MAP4: variants seen among roughly 807,000 people sequenced by gnomAD.
The protein encoded by MAP4 is microtubule associated protein 4.
MAP4 carries 76 observed loss-of-function variants against 170.2 expected under a neutral mutation model. The ratio of observed to expected loss-of-function variants is 0.45; its 90% CI spans 0.37 to 0.54. MAP4 has a LOEUF of 0.54. Ranked by LOEUF, MAP4 falls within the 20% of genes least tolerant of loss-of-function variation. The pLI is 0.00. For synonymous variants in MAP4, 909 were observed against 994.5 expected, an observed-to-expected ratio of 0.91 and a Z score of 1.62; for missense variants, 2,506 against 2,748.0, an observed-to-expected ratio of 0.91 and a Z score of 1.97.
intron 1 of MAP4, among the ~76,000 whole-genome samples, chr3:47,999,197 C>T (rs1469691609): frequency 6.6e-6 from 1 of 152,160 alleles, no homozygotes; most frequent in Non-Finnish European, 1.5e-5. Flanking sequence ...CCACAATCAA[C>T]ATATCCAAAG....
intron 1 of MAP4, among the ~76,000 whole-genome samples, chr3:48,023,994 G>A (rs562979727): frequency 1.3e-5 from 2 of 152,306 alleles, no homozygotes; most frequent in East Asian, 3.9e-4. Context: ...TGCAACAGGA[G>A]AAAGTATTTG....
At chr3:47,920,794 C>G (rs2100042415) in intron 5 of MAP4, among the ~76,000 whole-genome samples, 1 of 152,034 alleles carries the variant, frequency 6.6e-6, no homozygotes, top group Non-Finnish European at 1.5e-5. Flanking sequence ...TCAAGCAATC[C>G]TGTCACCTCA....
intron 1 of MAP4, among the ~76,000 whole-genome samples, chr3:48,047,226 G>A (rs897240681): frequency 2.6e-5 from 4 of 151,946 alleles, no homozygotes; most frequent in African/African-American, 9.7e-5. Context: ...TATCATCATC[G>A]TCTGTAGAGT....
At chr3:47,906,113 A>T (rs2100032868) in intron 9 of MAP4, among the ~76,000 whole-genome samples, 1 of 151,850 alleles carries the variant, frequency 6.6e-6, no homozygotes, top group African/African-American at 2.4e-5. Context: ...ACACTAGTAG[A>T]GAAAGGCAGG....
intron 1 of MAP4, among the ~76,000 whole-genome samples, chr3:48,051,710 TC>T (rs895066511): frequency 4.6e-5 from 7 of 152,148 alleles, no homozygotes; most frequent in African/African-American, 1.7e-4. Flanking sequence ...AACAACTACA[TC>T]CCAGGCTCTA....
At chr3:47,861,353 C>CT (rs35553466) in intron 17 of MAP4, among the ~76,000 whole-genome samples, 41,098 of 132,234 alleles carry the variant, frequency 0.31, 7,105 homozygotes, top group African/African-American at 0.46. Context: ...GAGACTCCGT[C>CT]TTTTTTTTTT....
intron 10 of MAP4, chr3:47,892,067 G>A (rs2100024311): frequency 6.5e-7 from 1 of 1,536,136 alleles, no homozygotes; most frequent in Non-Finnish European, 8.7e-7. Flanking sequence ...AACTGGAATG[G>A]TTTTGTTTTT....
chr3:48,080,338 T>G (rs1398083445), intron 1 of MAP4, among the ~76,000 whole-genome samples: 1 of 152,246 alleles, frequency 6.6e-6, no homozygotes, highest in Non-Finnish European at 1.5e-5. Context: ...CTAGATTATC[T>G]CTAAATCTCT....
At chr3:47,976,865 G>A (rs958069859) in intron 3 of MAP4, among the ~76,000 whole-genome samples, 6 of 152,142 alleles carry the variant, frequency 3.9e-5, no homozygotes, top group African/African-American at 1.4e-4. Flanking sequence ...CTTTCCTATG[G>A]TCATAGAATA....
chr3:48,047,095 A>AAAGTAAAT (rs1553739980), intron 1 of MAP4, among the ~76,000 whole-genome samples: 1 of 142,762 alleles, frequency 7.0e-6, no homozygotes, highest in Non-Finnish European at 1.5e-5. Context: ...CTCCGTCTCA[A>AAAGTAAAT]AAATAAATAA....
chr3:48,016,296 T>C (rs568741589), intron 1 of MAP4, 38 bp downstream of exon 1: 1 of 127,492 alleles, frequency 7.8e-6, no homozygotes, highest in Non-Finnish European at 1.6e-5. Context: ...ACATAAAACC[T>C]TGCATCACAA....
At chr3:47,971,060 G>A (rs887239306) in intron 3 of MAP4, among the ~76,000 whole-genome samples, 8 of 152,180 alleles carry the variant, frequency 5.3e-5, no homozygotes, top group African/African-American at 1.9e-4. Flanking sequence ...TTTCTGAAGA[G>A]AAATTCTGTA....
chr3:47,886,735 C>T (rs2097659506), intron 10 of MAP4, among the ~76,000 whole-genome samples: 1 of 152,270 alleles, frequency 6.6e-6, no homozygotes, highest in African/African-American at 2.4e-5. Flanking sequence ...TATACTACCA[C>T]TGGCTGGGAA....
At chr3:48,026,461 A>G (rs374912004) in intron 1 of MAP4, among the ~76,000 whole-genome samples, 1 of 152,226 alleles carries the variant, frequency 6.6e-6, no homozygotes, top group East Asian at 1.9e-4. Flanking sequence ...AAGATGCTTT[A>G]TTCTGAAGAT....
intron 2 of MAP4, among the ~76,000 whole-genome samples, chr3:47,990,842 A>AT (rs11447489): frequency 0.99 from 150,017 of 152,146 alleles, 73,992 homozygotes; most frequent in East Asian, 1. Context: ...TTTTCTTTTT[A>AT]TTTTTTTCTT....
At chr3:47,985,398 C>T (rs947089732) in intron 2 of MAP4, among the ~76,000 whole-genome samples, 1 of 152,198 alleles carries the variant, frequency 6.6e-6, no homozygotes, top group African/African-American at 2.4e-5. Context: ...AAGATTGTGC[C>T]ACTGCACTCC....
intron 1 of MAP4, among the ~76,000 whole-genome samples, chr3:48,058,023 C>T (rs2100133183): frequency 6.6e-6 from 1 of 152,170 alleles, no homozygotes; most frequent in Admixed American, 6.5e-5. Context: ...AAGCCTAGAA[C>T]ATATTAGACA....
chr3:48,052,968 A>T (rs1203332173), intron 1 of MAP4, among the ~76,000 whole-genome samples: 1 of 152,004 alleles, frequency 6.6e-6, no homozygotes, highest in Non-Finnish European at 1.5e-5. Flanking sequence ...TTAAGTTGAA[A>T]GGATAGCTTC....
At chr3:47,874,926 G>A (rs773682379) in intron 12 of MAP4, among the ~76,000 whole-genome samples, 3 of 150,878 alleles carry the variant, frequency 2.0e-5, no homozygotes, top group Non-Finnish European at 4.4e-5. Flanking sequence ...TGACCTAAAG[G>A]CCCTTCTCAA....
Sources: gnomAD v4.1 joint callset for allele counts (sites outside exome capture counted in the v4.1 genomes callset) on GRCh38, gnomAD v4.1.1 for gene constraint, MANE v1.5 for transcripts, NCBI Gene and HGNC (gene_info 2026-07-23, HGNC 2026-07-21) for gene names.